The following EDARADD variants were observed in gnomAD, a reference collection of about 807,000 sequenced individuals.
EDARADD encodes the protein ectodysplasin-A receptor-associated adapter protein.
Under a neutral mutation model 25.6 loss-of-function variants are expected in EDARADD, and 20 were observed. That is an observed-to-expected ratio of 0.78 (90% CI 0.55 to 1.14). EDARADD has a LOEUF of 1.14. Among genes scored for constraint, EDARADD ranks in the 50% most tolerant of loss-of-function variants. EDARADD has a pLI of 0.00. For missense variants in EDARADD, 225 were observed against 270.1 expected (o/e 0.83, Z 1.17); for synonymous variants, 86 against 94.4 (o/e 0.91, Z 0.52).
At chr1:236,447,028 G>A (rs1055937117) in intron 4 of EDARADD, among the ~76,000 whole-genome samples, 8 of 152,176 alleles carry the variant, frequency 5.3e-5, no homozygotes, top group African/African-American at 1.7e-4. Context: ...TAGCAGGGCA[G>A]GGCAGGTCAC....
In EDARADD at chr1:236,483,711, C is replaced by T; in HGVS notation, c.*1062C>T. 1.3e-6 allele frequency: 2 copies of T among 1,550,614 alleles called. No homozygotes were observed. The highest frequency in any genetic ancestry group is 2.2e-5 in the South Asian group (2 of 89,818). On this transcript the variant is annotated 3_prime_UTR_variant, in exon 6 of 6. Transcript: ENST00000334232. ...TGCAGCAAACTTCAGGGAAGCCATG[C>T]CCATTGGAGCGGAGGTTTACCACAG... is the stretch of plus-strand genomic sequence containing the variant.
chr1:236,450,780 C>CT (rs1255101400), intron 4 of EDARADD, among the ~76,000 whole-genome samples: 3 of 152,150 alleles, frequency 2.0e-5, no homozygotes, highest in Admixed American at 2.0e-4. Context: ...AACTCCGGAC[C>CT]TTAGGTGAGC....
chr1:236,481,291 G>A lies in EDARADD; in HGVS notation c.266-976G>A, dbSNP rs191400580. On this transcript the variant is annotated intron_variant, in intron 5 of 5. Transcript: ENST00000334232. Reference sequence around the variant, plus strand: ...CTGAGGTGCATGCAAGTGTCGGCTGGTTACTCACAGACACAGCAGCCCCTT... The same window carrying A: ...CTGAGGTGCATGCAAGTGTCGGCTGATTACTCACAGACACAGCAGCCCCTT... 5.0e-3 allele frequency among the ~76,000 whole-genome samples: 761 copies of A among 152,250 alleles called. 8 individuals carry two copies. Among genetic ancestry groups the A allele is most frequent in the African/African-American group, 0.017 (718 of 41,538 alleles).
chr1:236,429,193 A>AGGGAGC (rs1553267463), intron 4 of EDARADD, among the ~76,000 whole-genome samples: 6 of 143,590 alleles, frequency 4.2e-5, no homozygotes, highest in East Asian at 2.0e-4. Flanking sequence ...GCAGAGGGAG[A>AGGGAGC]GGGAGCGGGA....
intron 1 of EDARADD, among the ~76,000 whole-genome samples, chr1:236,403,660 CCACT>C (rs1667656734): frequency 6.6e-6 from 1 of 152,134 alleles, no homozygotes; most frequent in South Asian, 2.1e-4. Flanking sequence ...CTACTACTCA[CCACT>C]CACGGACTTT....
At position 236,484,767 on chromosome 1, in the gene EDARADD, C is replaced by A. The variant is rs868793237; in HGVS notation, c.*2118C>A. On this transcript the variant is annotated 3_prime_UTR_variant, in exon 6 of 6. Transcript: ENST00000334232. This position sits in a 1 kb window ranked among gnomAD's most constrained non-coding sequence, Gnocchi z 4.1. The stretch of plus-strand genomic sequence containing the variant: ...GCCAAGCTCCCTGGAGCCCTGTTGG[C>A]AGCTCTAGCCTTGCAGTCATGTAAT... 6.5e-5 allele frequency: 16 copies of A among 244,944 alleles called. No individual in the cohort carries two copies. Among genetic ancestry groups the A allele is most frequent in the African/African-American group, 3.0e-4 (13 of 43,788 alleles). 15.2% of individuals were successfully genotyped at this position (244,944 alleles called of 1,614,324 possible).
At chr1:236,446,931 A>C in intron 4 of EDARADD, among the ~76,000 whole-genome samples, 1 of 152,282 alleles carries the variant, frequency 6.6e-6, no homozygotes, top group East Asian at 1.9e-4. Flanking sequence ...TGTCCCAGGT[A>C]CTGCTCAGAG....
At chr1:236,441,064 T>C (rs1338450979) in intron 4 of EDARADD, among the ~76,000 whole-genome samples, 1 of 152,018 alleles carries the variant, frequency 6.6e-6, no homozygotes. Flanking sequence ...AGCCAAGTTA[T>C]GAATGCAAAA....
intron 4 of EDARADD, among the ~76,000 whole-genome samples, chr1:236,434,393 A>T (rs1166050067): frequency 6.6e-6 from 1 of 152,056 alleles, no homozygotes; most frequent in East Asian, 1.9e-4. Context: ...GCACGCCACC[A>T]CACCCAGCTA....
At chr1:236,363,006 A>AATATATATATATATATATATAT (rs1184705463) in intron 3 of EDARADD, among the ~76,000 whole-genome samples, 7 of 42,926 alleles carry the variant, frequency 1.6e-4, no homozygotes, top group African/African-American at 2.2e-4. Context: ...AAAAAAAAAA[A>AATATATATATATATATATATAT]ATATATATAT....
At position 236,414,249 on chromosome 1, in the gene EDARADD, G is replaced by C. The variant is rs771970252; in HGVS notation, c.121-11G>C. On this transcript the variant is annotated splice_polypyrimidine_tract_variant and intron_variant, in intron 2 of 5. Coordinates refer to ENST00000334232, the MANE Select transcript of EDARADD (RefSeq NM_145861.4). Reference sequence around the variant, plus strand: ...TTAAAAATAATTCTCCTCTTTTGTTGGTTTCTACAGTCAGACAAATATCCC... The same window carrying C: ...TTAAAAATAATTCTCCTCTTTTGTTCGTTTCTACAGTCAGACAAATATCCC... The C allele has an allele frequency of 6.2e-7, 1 of 1,606,740 alleles. No individual in the cohort carries two copies. Among genetic ancestry groups the C allele is most frequent in the Non-Finnish European group, 8.5e-7 (1 of 1,173,768 alleles).
intron 4 of EDARADD, among the ~76,000 whole-genome samples, chr1:236,464,590 A>C (rs1659137783): frequency 6.6e-6 from 1 of 151,450 alleles, no homozygotes. Flanking sequence ...TCACCACCAC[A>C]TCCAGCTAAT....
chr1:236,435,432 C>T (rs1658224476), intron 4 of EDARADD, among the ~76,000 whole-genome samples: 1 of 152,156 alleles, frequency 6.6e-6, no homozygotes, highest in Non-Finnish European at 1.5e-5. Flanking sequence ...TCTTCAATGC[C>T]TACTACATAG....
intron 4 of EDARADD, among the ~76,000 whole-genome samples, chr1:236,456,711 TC>T (rs1451151333): frequency 9.8e-6 from 1 of 101,954 alleles, no homozygotes; most frequent in Non-Finnish European, 2.3e-5. Flanking sequence ...TTTTCTTTCT[TC>T]CCCTCCCCCC....
At chr1:236,464,753 C>A (rs953469814) in intron 4 of EDARADD, among the ~76,000 whole-genome samples, 8 of 152,080 alleles carry the variant, frequency 5.3e-5, no homozygotes, top group African/African-American at 1.7e-4. Context: ...ACTTTTGACA[C>A]TGCTCCCCCT....
At chr1:236,453,029 T>C (rs1391976900) in intron 4 of EDARADD, among the ~76,000 whole-genome samples, 1 of 152,198 alleles carries the variant, frequency 6.6e-6, no homozygotes, top group Non-Finnish European at 1.5e-5. Flanking sequence ...AGGTTGTATC[T>C]TTCCTACAAC....
At chr1:236,401,201 C>T (rs933918816) in intron 1 of EDARADD, among the ~76,000 whole-genome samples, 1 of 151,806 alleles carries the variant, frequency 6.6e-6, no homozygotes, top group South Asian at 2.1e-4. Flanking sequence ...AAAAAAAAAG[C>T]TATGGTACAA....
At chr1:236,431,127 TAAATAAATA>T (rs1658083620) in intron 4 of EDARADD, among the ~76,000 whole-genome samples, 1 of 151,820 alleles carries the variant, frequency 6.6e-6, no homozygotes, top group Non-Finnish European at 1.5e-5. Flanking sequence ...AATAAATAAA[TAAATAAATA>T]AAATAAAAGC....
chr1:236,361,084 A>G (rs145094263), intron 3 of EDARADD, among the ~76,000 whole-genome samples: 20 of 152,308 alleles, frequency 1.3e-4, no homozygotes, highest in African/African-American at 4.6e-4. Flanking sequence ...TACAGTTGAC[A>G]CACAACAAAG....
Sources: allele counts gnomAD v4.1 joint callset (sites outside exome capture counted in the v4.1 genomes callset), GRCh38; gene constraint gnomAD v4.1.1; non-coding constraint Gnocchi (gnomAD v3.1); transcripts MANE v1.5; gene names NCBI Gene and HGNC (gene_info 2026-07-23, HGNC 2026-07-21).